LARP4B: variants seen among roughly 807,000 people sequenced by gnomAD.
The protein encoded by LARP4B is la-related protein 4B.
LARP4B carries 12 observed loss-of-function variants against 89.8 expected under a neutral mutation model. The ratio of observed to expected loss-of-function variants is 0.13; its 90% CI spans 0.09 to 0.22. The LOEUF (loss-of-function observed/expected upper bound fraction) is 0.22. Ranked by LOEUF, LARP4B falls within the 10% of genes least tolerant of loss-of-function variation. The probability of loss-of-function intolerance (pLI) is 1.00; values close to 1 mark genes in which losing one functional copy is unlikely to be tolerated. For synonymous variants in LARP4B, 367 were observed against 363.3 expected, an observed-to-expected ratio of 1.01 and a Z score of -0.12; for missense variants, 757 against 947.7, an observed-to-expected ratio of 0.80 and a Z score of 2.64.
intron 5 of LARP4B, among the ~76,000 whole-genome samples, chr10:860,879 G>A (rs745572559): frequency 5.3e-5 from 8 of 152,076 alleles, no homozygotes; most frequent in Non-Finnish European, 8.8e-5. Context: ...CCACTGGGCC[G>A]GGCATGAAGG....
At position 863,850 on chromosome 10, in the gene LARP4B, T is replaced by C; in HGVS notation, c.323A>G (p.His108Arg). 1.2e-6 allele frequency: 2 copies of C among 1,614,104 alleles called. No individual in the cohort carries two copies. Among genetic ancestry groups the C allele is most frequent in the Non-Finnish European group, 1.7e-6 (2 of 1,180,020 alleles). The change falls in exon 5 of 18, where the codon CAT becomes CGT. Residue 108 changes from histidine to arginine, a missense_variant. By Grantham distance (29) the His-to-Arg change is conservative. Coordinates refer to ENST00000316157, the MANE Select transcript of LARP4B (RefSeq NM_015155.3). ...SDANGDGDQG[H>R]ENAALPDPQE... ...CGGGTCTGGCAATGCGGCATTCTCATGGCCCTGGTCACCATCACCATTGGC... is the reference window on the plus strand; with the variant it reads ...CGGGTCTGGCAATGCGGCATTCTCACGGCCCTGGTCACCATCACCATTGGC...
intron 5 of LARP4B, among the ~76,000 whole-genome samples, chr10:848,567 A>T (rs1363689930): frequency 6.1e-5 from 6 of 97,612 alleles, no homozygotes; most frequent in South Asian, 2.6e-4. Flanking sequence ...AAAAGTTATT[A>T]AAAAAAAAAA....
the LARP4B span, among the ~76,000 whole-genome samples, chr10:965,783 T>A: frequency 1.3e-5 from 2 of 151,766 alleles, no homozygotes; most frequent in African/African-American, 4.8e-5. Flanking sequence ...GAGAGAGTTA[T>A]GTCTGCTGCT....
At chr10:908,682 G>C (rs1487709582) in intron 1 of LARP4B, among the ~76,000 whole-genome samples, 1 of 152,180 alleles carries the variant, frequency 6.6e-6, no homozygotes, top group Non-Finnish European at 1.5e-5. Context: ...AATTCTTCTG[G>C]GTTGATTGTT....
chr10:890,370 C>A (rs1402007493), intron 1 of LARP4B, among the ~76,000 whole-genome samples: 1 of 152,120 alleles, frequency 6.6e-6, no homozygotes, highest in African/African-American at 2.4e-5. Flanking sequence ...AGAAAAAATG[C>A]TTGAAATAAA....
the LARP4B span, among the ~76,000 whole-genome samples, chr10:958,085 C>T: frequency 4.4e-4 from 67 of 152,180 alleles, no homozygotes; most frequent in Admixed American, 3.8e-3. Flanking sequence ...GCGTGAGCCA[C>T]GATGCCTGGC....
At chr10:833,126 T>C (rs1213926749) in intron 8 of LARP4B, among the ~76,000 whole-genome samples, 3 of 150,716 alleles carry the variant, frequency 2.0e-5, no homozygotes, top group Non-Finnish European at 4.4e-5. Context: ...AGTTAGAGGG[T>C]CAGCTAAAAA....
upstream of LARP4B, among the ~76,000 whole-genome samples, chr10:933,889 G>A (rs976966460): frequency 6.6e-6 from 1 of 151,250 alleles, no homozygotes; most frequent in African/African-American, 2.4e-5. Context: ...CTGGAGTGCC[G>A]TGGCATAATC....
intron 1 of LARP4B, among the ~76,000 whole-genome samples, chr10:892,234 A>G (rs1227641501): frequency 6.6e-6 from 1 of 152,222 alleles, no homozygotes; most frequent in Non-Finnish European, 1.5e-5. Context: ...AGCAGAGAGG[A>G]TAAGTCCAAG....
chr10:842,458 A>T (rs11253461), intron 7 of LARP4B, among the ~76,000 whole-genome samples: 27,470 of 152,072 alleles, frequency 0.18, 2,963 homozygotes, highest in East Asian at 0.31. Context: ...GACCTCCAAA[A>T]GTGCTGGGAT....
At chr10:861,332 G>A (rs1221261092) in intron 5 of LARP4B, among the ~76,000 whole-genome samples, 1 of 152,158 alleles carries the variant, frequency 6.6e-6, no homozygotes, top group Non-Finnish European at 1.5e-5. Flanking sequence ...CATTAATAAT[G>A]TATTATTTCC....
chr10:967,515 T>C, the LARP4B span, among the ~76,000 whole-genome samples: 1 of 152,126 alleles, frequency 6.6e-6, no homozygotes, highest in Admixed American at 6.5e-5. Context: ...TTTGGTTCAG[T>C]GAGGAGCTAA....
Position 811,374 on chromosome 10 carries a change from A to G in LARP4B, c.*1552T>C, listed in dbSNP as rs1203077609. Reference sequence around the variant, plus strand: ...AGCACACTCCAAGTGCACGTATTTAATACAGTATTGACTATTTGCATTTAC... The same window carrying G: ...AGCACACTCCAAGTGCACGTATTTAGTACAGTATTGACTATTTGCATTTAC... On this transcript the variant is annotated 3_prime_UTR_variant, in exon 18 of 18. Coordinates refer to ENST00000316157, the MANE Select transcript of LARP4B (RefSeq NM_015155.3). 2 of 152,686 alleles carry G rather than the reference A, an allele frequency of 1.3e-5. No homozygotes were observed. The highest frequency in any genetic ancestry group is 2.9e-5 in the Non-Finnish European group (2 of 68,054). The allele number at this position is 152,686 out of a possible 1,614,324, so 9.5% of individuals were successfully genotyped here.
In LARP4B at chr10:825,067, T is replaced by G; in HGVS notation, c.1482A>C (p.Gly494=). The G allele has an allele frequency of 6.2e-7, 1 of 1,613,072 alleles. No homozygotes were observed. The highest frequency in any genetic ancestry group is 1.3e-5 in the African/African-American group (1 of 75,008). The change falls in exon 13 of 18, where the codon GGA becomes GGC. Residue 494 remains glycine, a splice_region_variant and synonymous_variant. Transcript: ENST00000316157. ...ACAGTAACTGCTCAACAACTCACCTTCCCCTCCCTAAACCAGGAGAGGATT... is the reference window on the plus strand; with the variant it reads ...ACAGTAACTGCTCAACAACTCACCTGCCCCTCCCTAAACCAGGAGAGGATT... ...SLESSPGLGR[G]RKNSFGYRKK...
chr10:833,529 A>G (rs565479980), intron 8 of LARP4B, among the ~76,000 whole-genome samples: 55 of 152,302 alleles, frequency 3.6e-4, no homozygotes, highest in African/African-American at 1.3e-3. Flanking sequence ...CAAGATGATA[A>G]ATTTAAATTT....
the LARP4B span, among the ~76,000 whole-genome samples, chr10:953,796 C>T: frequency 6.6e-6 from 1 of 152,238 alleles, no homozygotes; most frequent in Non-Finnish European, 1.5e-5. Flanking sequence ...AAGGCTTCTG[C>T]CTCAGGATGT....
At chr10:948,968 C>G in the LARP4B span, among the ~76,000 whole-genome samples, 1 of 152,234 alleles carries the variant, frequency 6.6e-6, no homozygotes, top group Non-Finnish European at 1.5e-5. Context: ...CAGCTGTGTA[C>G]CAGTTGTCAT....
chr10:867,634 G>A (rs115198613), intron 3 of LARP4B, among the ~76,000 whole-genome samples: 1,746 of 152,154 alleles, frequency 0.011, 34 homozygotes, highest in African/African-American at 0.04. Flanking sequence ...GCCAAGATGG[G>A]CAGATCACTT....
the LARP4B span, among the ~76,000 whole-genome samples, chr10:937,682 G>A: frequency 6.6e-6 from 1 of 151,840 alleles, no homozygotes; most frequent in African/African-American, 2.4e-5. Context: ...AGACAAACTC[G>A]AAGGACATTC....
Sources: gnomAD v4.1 joint callset for allele counts (sites outside exome capture counted in the v4.1 genomes callset) on GRCh38, gnomAD v4.1.1 for gene constraint, MANE v1.5 for transcripts, NCBI Gene and HGNC (gene_info 2026-07-23, HGNC 2026-07-21) for gene names.